ATP6V1H: variants seen among roughly 807,000 people sequenced by gnomAD.
The protein encoded by ATP6V1H is V-type proton ATPase subunit H.
In ATP6V1H, 39 loss-of-function variants were observed where a neutral mutation model predicts 71.7. That is an observed-to-expected ratio of 0.54 (90% CI 0.42 to 0.71). The LOEUF is 0.71. ATP6V1H is among the 30% of genes least tolerant of loss of function. The probability of loss-of-function intolerance (pLI) is 0.00; values close to 1 mark genes in which losing one functional copy is unlikely to be tolerated. For missense variants in ATP6V1H, 509 were observed against 594.9 expected, an observed-to-expected ratio of 0.86 and a Z score of 1.50; for synonymous variants, 192 against 199.3, an observed-to-expected ratio of 0.96 and a Z score of 0.31.
At chr8:53,834,857 T>C (rs917809652) in intron 2 of ATP6V1H, among the ~76,000 whole-genome samples, 2 of 151,678 alleles carry the variant, frequency 1.3e-5, no homozygotes, top group African/African-American at 4.8e-5. Context: ...CTATGCACAG[T>C]TAGGCTAGGT....
intron 2 of ATP6V1H, chr8:53,839,521 T>C: frequency 1.2e-6 from 1 of 823,196 alleles, no homozygotes; most frequent in Non-Finnish European, 1.5e-6. Flanking sequence ...ACACACCAAA[T>C]CAATCACTAA....
At chr8:53,803,294 G>A (rs1181811583) in intron 7 of ATP6V1H, among the ~76,000 whole-genome samples, 3 of 151,664 alleles carry the variant, frequency 2.0e-5, no homozygotes, top group East Asian at 1.9e-4. Flanking sequence ...CCAAGATCAC[G>A]CCACTGCACT....
intron 9 of ATP6V1H, among the ~76,000 whole-genome samples, chr8:53,772,918 AAAAAC>A (rs1311888823): frequency 4.0e-5 from 6 of 151,430 alleles, no homozygotes; most frequent in Non-Finnish European, 4.4e-5. Context: ...AAAAAAAAAA[AAAAAC>A]AAAACAGTAA....
At chr8:53,767,169 A>C (rs1326114988) in intron 11 of ATP6V1H, among the ~76,000 whole-genome samples, 2 of 152,198 alleles carry the variant, frequency 1.3e-5, no homozygotes, top group Non-Finnish European at 2.9e-5. Flanking sequence ...AACCTACGTG[A>C]TTTTCGGGGC....
At chr8:53,773,265 G>C (rs987717648) in intron 9 of ATP6V1H, among the ~76,000 whole-genome samples, 1 of 152,150 alleles carries the variant, frequency 6.6e-6, no homozygotes, top group Non-Finnish European at 1.5e-5. Context: ...AATAGATAAT[G>C]AATAGAGTAG....
At chr8:53,746,092 C>T (rs1173759116) in intron 12 of ATP6V1H, among the ~76,000 whole-genome samples, 1 of 152,152 alleles carries the variant, frequency 6.6e-6, no homozygotes, top group Non-Finnish European at 1.5e-5. Flanking sequence ...TGAGCACTTT[C>T]CCCCACGTTG....
intron 13 of ATP6V1H, among the ~76,000 whole-genome samples, chr8:53,720,337 A>G (rs55941425): frequency 3.3e-5 from 5 of 152,202 alleles, no homozygotes; most frequent in African/African-American, 1.2e-4. Flanking sequence ...ACGGCTCACA[A>G]AAGAGATCAT....
Position 53,788,559 on chromosome 8 carries a change from C to T in ATP6V1H, c.870+7088G>A, listed in dbSNP as rs147189178. ...GGAGAAAAGGGCAGGGAAATAAATA[C>T]ATACTGTATATTTACTATTGCAGAC... On this transcript the variant is annotated intron_variant, in intron 9 of 13. Coordinates refer to ENST00000359530, the MANE Select transcript of ATP6V1H (RefSeq NM_015941.4). Among the ~76,000 whole-genome samples the T allele has an allele frequency of 4.4e-3, 666 of 152,280 alleles. 9 individuals are homozygous for T. Among genetic ancestry groups the T allele is most frequent in the African/African-American group, 0.015 (622 of 41,558 alleles).
Position 53,772,023 on chromosome 8 carries a change from A to G in ATP6V1H, c.1015T>C (p.Leu339=), listed in dbSNP as rs753265902. 7.4e-6 allele frequency: 12 copies of G among 1,614,094 alleles called. No homozygotes were observed. The highest frequency in any genetic ancestry group is 9.3e-6 in the Non-Finnish European group (11 of 1,179,980). ...EDISEDIKFL[L]EKLGESVQDL... ...TGGACACTCTCTCCAAGTTTTTCCA[A>G]AAGAAATTTGATATCTTCGCTGATA... The change falls in exon 10 of 14, where the codon TTG becomes CTG. Residue 339 remains leucine (L), a synonymous_variant. Transcript: ENST00000359530.
intron 7 of ATP6V1H, chr8:53,806,858 G>T (rs1810092277): frequency 2.2e-6 from 1 of 454,648 alleles, no homozygotes; most frequent in Non-Finnish European, 4.4e-6. Flanking sequence ...TGAATACTGT[G>T]CTGAAAGTGA....
chr8:53,747,634 G>A (rs1807653543), intron 12 of ATP6V1H, among the ~76,000 whole-genome samples: 2 of 151,636 alleles, frequency 1.3e-5, no homozygotes, highest in South Asian at 2.1e-4. Flanking sequence ...CTGCCTCCTG[G>A]GTTCAAGCAA....
chr8:53,824,294 C>T (rs1810758419), intron 4 of ATP6V1H, among the ~76,000 whole-genome samples: 1 of 152,160 alleles, frequency 6.6e-6, no homozygotes, highest in African/African-American at 2.4e-5. Flanking sequence ...TTTACCAAAA[C>T]TTAGCCCTTG....
chr8:53,802,674 C>T (rs1191963590), intron 7 of ATP6V1H, among the ~76,000 whole-genome samples: 5 of 152,102 alleles, frequency 3.3e-5, no homozygotes, highest in African/African-American at 9.7e-5. Flanking sequence ...GAGCCAAGAT[C>T]ACACCACTGC....
chr8:53,745,789 AAG>A (rs1468921187), intron 12 of ATP6V1H, among the ~76,000 whole-genome samples: 1 of 152,190 alleles, frequency 6.6e-6, no homozygotes, highest in African/African-American at 2.4e-5. Context: ...TTTCTAGCGT[AAG>A]AGACAACATG....
rs376253642 is a variant in ATP6V1H, at chr8:53,790,927, T to A, written c.870+4720A>T. 3.9e-5 allele frequency among the ~76,000 whole-genome samples: 6 copies of A among 152,222 alleles called. No homozygotes were observed. The East Asian group carries it at 1.2e-3, about 29-fold the overall frequency. On this transcript the variant is annotated intron_variant, in intron 9 of 13. Coordinates refer to ENST00000359530, the MANE Select transcript of ATP6V1H (RefSeq NM_015941.4). ...AATTTTACTTAATATTTTTCTATTGTATCTTTTTAACCATAAAACCACATT... is the reference window on the plus strand; with the variant it reads ...AATTTTACTTAATATTTTTCTATTGAATCTTTTTAACCATAAAACCACATT...
rs112609600 is a variant in ATP6V1H at position 53,747,962 on chromosome 8, T to C, written c.1278-4272A>G. ...GGGTGGATCACCTGAGGTCAGGAGT[T>C]TGAGACCAGCCTGACCAACACAGTA... On this transcript the variant is annotated intron_variant, in intron 12 of 13. Coordinates refer to ENST00000359530, the MANE Select transcript of ATP6V1H (RefSeq NM_015941.4). 5.3e-5 allele frequency among the ~76,000 whole-genome samples: 8 copies of C among 151,744 alleles called. 1 individual carries two copies. The highest frequency in any genetic ancestry group is 1.9e-4 in the African/African-American group (8 of 41,410).
At chr8:53,774,862 T>A (rs1304840486) in intron 9 of ATP6V1H, among the ~76,000 whole-genome samples, 1 of 152,154 alleles carries the variant, frequency 6.6e-6, no homozygotes, top group Admixed American at 6.5e-5. Context: ...CTACAGCGGC[T>A]AGAAAGTGAG....
At chr8:53,819,806 A>G (rs555646322) in intron 4 of ATP6V1H, among the ~76,000 whole-genome samples, 4 of 146,052 alleles carry the variant, frequency 2.7e-5, no homozygotes, top group South Asian at 4.3e-4. Context: ...TACAAAGTAT[A>G]TGTGTGTGTG....
intron 4 of ATP6V1H, among the ~76,000 whole-genome samples, chr8:53,823,106 T>C (rs1406875899): frequency 6.6e-6 from 1 of 151,924 alleles, no homozygotes; most frequent in Admixed American, 6.6e-5. Flanking sequence ...AGTAAAGGTA[T>C]AGAAAACCTG....
Sources: allele counts gnomAD v4.1 joint callset (sites outside exome capture counted in the v4.1 genomes callset), GRCh38; gene constraint gnomAD v4.1.1; transcripts MANE v1.5; gene names NCBI Gene and HGNC (gene_info 2026-07-23, HGNC 2026-07-21).